XRCC4: variants seen among roughly 807,000 people sequenced by gnomAD.
The protein encoded by XRCC4 is X-ray repair cross complementing 4.
XRCC4 carries 28 observed loss-of-function variants against 39.1 expected under a neutral mutation model. The observed-to-expected ratio is 0.72, with a 90% CI of 0.53 to 0.98. The LOEUF (loss-of-function observed/expected upper bound fraction) is 0.98. Among genes scored for constraint, XRCC4 ranks in the 50% least tolerant of loss-of-function variants. The pLI is 0.00. For missense variants in XRCC4, 350 were observed against 376.4 expected, an observed-to-expected ratio of 0.93 and a Z score of 0.58; for synonymous variants, 123 against 126.4, an observed-to-expected ratio of 0.97 and a Z score of 0.18.
Position 83,243,760 on chromosome 5 carries a change from A to T in XRCC4, c.746-14770A>T, listed in dbSNP as rs796271606. Among the ~76,000 whole-genome samples the T allele has an allele frequency of 2.6e-5, 4 of 152,232 alleles. No individual in the cohort carries two copies. The South Asian group carries it at 8.3e-4, about 32-fold the overall frequency. On this transcript the variant is annotated intron_variant, in intron 6 of 7. Transcript: ENST00000396027. ...GGCTATTGATCCTGAAACCAGTGTC[A>T]GCTGGATAAAGGAAGCAAGAGATTG... is the stretch of plus-strand genomic sequence containing the variant.
chr5:83,141,613 G>A (rs10473867), intron 3 of XRCC4, among the ~76,000 whole-genome samples: 49,861 of 151,068 alleles, frequency 0.33, 8,941 homozygotes, highest in Non-Finnish European at 0.41. Context: ...CTTTTTTTGT[G>A]TATTGTTTGT....
In XRCC4 at chr5:83,187,235, G is replaced by A. The variant is rs1182587121; in HGVS notation, c.316-8535G>A. On this transcript the variant is annotated intron_variant, in intron 3 of 7. Transcript: ENST00000396027. Reference sequence around the variant, plus strand: ...TGGGATTACAGGCGTGAGCCACCGCGCCCGGCCCTCCATTTTTAACGGTAG... The same window carrying A: ...TGGGATTACAGGCGTGAGCCACCGCACCCGGCCCTCCATTTTTAACGGTAG... Among the ~76,000 whole-genome samples the A allele has an allele frequency of 1.1e-4, 5 of 45,612 alleles. 2 individuals carry two copies. Among genetic ancestry groups the A allele is most frequent in the African/African-American group, 3.1e-4 (3 of 9,708 alleles). 29.9% of individuals were successfully genotyped at this position (45,612 alleles called of 152,430 possible).
At chr5:83,362,314 A>C in the XRCC4 span, among the ~76,000 whole-genome samples, 5 of 150,860 alleles carry the variant, frequency 3.3e-5, no homozygotes, top group African/African-American at 1.2e-4. Context: ...AAAAAAAAAA[A>C]AAAACTATCT....
intron 7 of XRCC4, among the ~76,000 whole-genome samples, chr5:83,302,204 C>T (rs1377812659): frequency 6.6e-6 from 1 of 151,730 alleles, no homozygotes; most frequent in Non-Finnish European, 1.5e-5. Flanking sequence ...AGCCCTTTTT[C>T]CAGGGAAGTG....
At chr5:83,117,472 T>C (rs1580243501) in intron 3 of XRCC4, among the ~76,000 whole-genome samples, 1 of 152,316 alleles carries the variant, frequency 6.6e-6, no homozygotes, top group Non-Finnish European at 1.5e-5. Flanking sequence ...AAATATTCAT[T>C]TATGAGTCAA....
At chr5:83,134,238 G>T (rs966847603) in intron 3 of XRCC4, among the ~76,000 whole-genome samples, 1 of 152,110 alleles carries the variant, frequency 6.6e-6, no homozygotes, top group Admixed American at 6.6e-5. Context: ...GCAAAGTCCC[G>T]CGGTGAGTGC....
chr5:83,241,602 A>T (rs971929223), intron 6 of XRCC4, among the ~76,000 whole-genome samples: 19 of 152,142 alleles, frequency 1.2e-4, no homozygotes, highest in Non-Finnish European at 2.1e-4. Flanking sequence ...TTCATCTTTC[A>T]ACCAAGTACA....
intron 7 of XRCC4, among the ~76,000 whole-genome samples, chr5:83,299,845 CTG>C (rs1275561225): frequency 1.3e-5 from 2 of 151,818 alleles, no homozygotes; most frequent in Non-Finnish European, 2.9e-5. Context: ...ATTGCTGTCT[CTG>C]TTAGTTATAA....
intron 3 of XRCC4, among the ~76,000 whole-genome samples, chr5:83,159,462 G>T (rs575007293): frequency 6.6e-6 from 1 of 152,230 alleles, no homozygotes; most frequent in East Asian, 1.9e-4. Flanking sequence ...AGTGAAAGGA[G>T]AAATGTTTAG....
intron 7 of XRCC4, among the ~76,000 whole-genome samples, chr5:83,336,748 A>G (rs961347517): frequency 1.3e-5 from 2 of 152,134 alleles, no homozygotes; most frequent in African/African-American, 4.8e-5. Context: ...GTTGACCAGC[A>G]TTTGTTAGTG....
intron 3 of XRCC4, among the ~76,000 whole-genome samples, chr5:83,114,481 A>G (rs1580238186): frequency 6.6e-6 from 1 of 152,228 alleles, no homozygotes; most frequent in African/African-American, 2.4e-5. Flanking sequence ...ATCTCTGGGG[A>G]AGGGGCAAAA....
At chr5:83,315,200 G>A (rs1368838340) in intron 7 of XRCC4, among the ~76,000 whole-genome samples, 7 of 151,976 alleles carry the variant, frequency 4.6e-5, no homozygotes, top group African/African-American at 7.2e-5. Context: ...CCTATAAACC[G>A]AAGCCTAATC....
At chr5:83,162,418 A>G (rs1245266194) in intron 3 of XRCC4, among the ~76,000 whole-genome samples, 1 of 152,116 alleles carries the variant, frequency 6.6e-6, no homozygotes, top group Non-Finnish European at 1.5e-5. Flanking sequence ...AGTAAAAGAA[A>G]TGCATTTTAT....
chr5:83,365,414 A>G, the XRCC4 span, among the ~76,000 whole-genome samples: 1 of 152,178 alleles, frequency 6.6e-6, no homozygotes, highest in Non-Finnish European at 1.5e-5. Flanking sequence ...AAAAAGAAAG[A>G]TAAAACAAGT....
At chr5:83,266,110 T>G (rs2112917528) in intron 7 of XRCC4, among the ~76,000 whole-genome samples, 1 of 152,074 alleles carries the variant, frequency 6.6e-6, no homozygotes, top group Middle Eastern at 3.4e-3. Flanking sequence ...AGTTATTGTT[T>G]CAGGCATTTT....
intron 3 of XRCC4, among the ~76,000 whole-genome samples, chr5:83,165,921 T>A (rs1749449495): frequency 6.6e-6 from 1 of 150,850 alleles, no homozygotes; most frequent in South Asian, 2.1e-4. Context: ...AGTCTTACTC[T>A]GTTTCCCAGG....
At chr5:83,113,066 G>C (rs768153441) in intron 3 of XRCC4, among the ~76,000 whole-genome samples, 46 of 152,142 alleles carry the variant, frequency 3.0e-4, no homozygotes, top group African/African-American at 9.4e-4. Flanking sequence ...CTGAGACAAG[G>C]CAAGTTCCTT....
chr5:83,335,988 GT>G (rs965847452), intron 7 of XRCC4, among the ~76,000 whole-genome samples: 5 of 151,778 alleles, frequency 3.3e-5, no homozygotes, highest in African/African-American at 4.8e-5. Context: ...TTACAGATGA[GT>G]TTTTTTTAAT....
Position 83,152,794 on chromosome 5 carries a change from T to A in XRCC4, c.315+41591T>A, listed in dbSNP as rs10037579. On this transcript the variant is annotated intron_variant, in intron 3 of 7. Transcript: ENST00000396027. ...GCTACAGAAGTAATATTTACAGAGATCCTGTGTGTACTTTACCCAGTTTCC... is the reference window on the plus strand; with the variant it reads ...GCTACAGAAGTAATATTTACAGAGAACCTGTGTGTACTTTACCCAGTTTCC... Among the ~76,000 whole-genome samples the A allele has an allele frequency of 3.2e-3, 494 of 152,328 alleles. 2 individuals carry two copies. The highest frequency in any genetic ancestry group is 0.011 in the African/African-American group (471 of 41,572).
Sources: gnomAD v4.1 joint callset for allele counts (sites outside exome capture counted in the v4.1 genomes callset) on GRCh38, gnomAD v4.1.1 for gene constraint, MANE v1.5 for transcripts, NCBI Gene and HGNC (gene_info 2026-07-23, HGNC 2026-07-21) for gene names.